Variants in SHF observed in about 807,000 individuals in gnomAD.
SHF encodes SH2 domain-containing adapter protein F.
SHF carries 30 observed loss-of-function variants against 42.4 expected under a neutral mutation model. The observed-to-expected ratio is 0.71, with a 90% CI of 0.53 to 0.96. The LOEUF is 0.96. SHF is among the 40% of genes least tolerant of loss of function. The pLI is 0.00. For missense variants in SHF, 598 were observed against 634.0 expected, an observed-to-expected ratio of 0.94 and a Z score of 0.61; for synonymous variants, 264 against 269.9, an observed-to-expected ratio of 0.98 and a Z score of 0.21.
Position 45,187,503 on chromosome 15 carries a change from G to C in SHF, c.449C>G (p.Ala150Gly). ...LIRVETPGPP[A>G]PPADERISGP... is the part of the protein sequence containing the mutation. ...GGAGATCCGCTCATCAGCAGGCGGC[G>C]CCGGGGGCCCCGGGGTCTCGACCCG... Residue 150 changes from alanine to glycine, a missense_variant, in exon 1 of 7, where the codon GCG (alanine) becomes GGG (glycine). Around this residue, in one of 2 missense-constraint regions of SHF, gnomAD observed 439 missense variants for 524.6 expected, o/e 0.84. Coordinates refer to ENST00000690270, the MANE Select transcript of SHF (RefSeq NM_001394037.1). 2 of 1,232,522 alleles carry C rather than the reference G, an allele frequency of 1.6e-6. No homozygotes were observed. Among genetic ancestry groups the C allele is most frequent in the African/African-American group, 3.1e-5 (2 of 64,530 alleles). The allele number at this position is 1,232,522 out of a possible 1,614,324, so 76.3% of individuals were successfully genotyped here.
upstream of SHF, among the ~76,000 whole-genome samples, chr15:45,189,832 T>G (rs868587768): frequency 2.6e-5 from 4 of 152,112 alleles, no homozygotes; most frequent in South Asian, 2.1e-4. Context: ...ATTTGTTGAG[T>G]TCCTGCTTTG....
intron 4 of SHF, among the ~76,000 whole-genome samples, chr15:45,172,599 C>T (rs972190093): frequency 2.6e-5 from 4 of 152,186 alleles, no homozygotes; most frequent in Admixed American, 6.5e-5. Flanking sequence ...AAACCATGCA[C>T]GCTTCTCCCT....
At chr15:45,189,383 G>T, upstream of SHF, among the ~76,000 whole-genome samples, 1 of 119,720 alleles carries the variant, frequency 8.4e-6, no homozygotes, top group Non-Finnish European at 1.7e-5. Flanking sequence ...CTAGGTTCAT[G>T]TCTGCCTTTT....
intron 2 of SHF, among the ~76,000 whole-genome samples, chr15:45,176,930 C>T (rs2141366776): frequency 6.6e-6 from 1 of 152,288 alleles, no homozygotes; most frequent in Non-Finnish European, 1.5e-5. Flanking sequence ...TTCTTCAAAT[C>T]CCATCTGTTC....
chr15:45,189,108 G>A (rs1320131699), upstream of SHF, among the ~76,000 whole-genome samples: 1 of 150,788 alleles, frequency 6.6e-6, no homozygotes, highest in Admixed American at 6.6e-5. Flanking sequence ...CAGGAGAATC[G>A]CTTGAACCCA....
rs1898518289 is a variant in SHF at position 45,187,760 on chromosome 15, T to C, written c.192A>G (p.Gly64=). ...CGGGGGGCGCCGGCTTGCTGCCCCC[T>C]CCGCCGCCGCCCCCCCCGCGGAAGC... The part of the protein sequence containing the change: ...HLGFRGGGGG[G]GGSKPAPPEP... Residue 64 remains glycine, a synonymous_variant, in exon 1 of 7, where the codon GGA becomes GGG. Transcript: ENST00000690270. 4 of 943,722 alleles carry C rather than the reference T, an allele frequency of 4.2e-6. No individual in the cohort carries two copies. Among genetic ancestry groups the C allele is most frequent in the Non-Finnish European group, 5.4e-6 (4 of 734,364 alleles). 58.5% of individuals were successfully genotyped at this position (943,722 alleles called of 1,614,324 possible).
rs1475301931 is a variant in SHF, at chr15:45,187,681, G to A, written c.271C>T (p.Pro91Ser). 1.6e-6 allele frequency: 2 copies of A among 1,219,444 alleles called. No individual in the cohort carries two copies. Among genetic ancestry groups the A allele is most frequent in the African/African-American group, 1.6e-5 (1 of 63,880 alleles). 75.5% of individuals were successfully genotyped at this position (1,219,444 alleles called of 1,614,324 possible). Reference sequence around the variant, plus strand: ...AGCCTGTAGGCGGCCAGGATGTCCGGGGGCGGCGCGGGGGGCGCGGCCGGA... The same window carrying A: ...AGCCTGTAGGCGGCCAGGATGTCCGAGGGCGGCGCGGGGGGCGCGGCCGGA... Reference protein sequence around the residue: ...PSPAAPPAPPPDILAAYRLQR... With the variant: ...PSPAAPPAPPSDILAAYRLQR... Residue 91 changes from proline to serine, a missense_variant, in exon 1 of 7, where the codon CCG becomes TCG. By Grantham distance (74) the Pro-to-Ser change is moderately conservative. This residue lies in a region of SHF where 159 missense variants were observed against 109.3 expected (regional missense o/e 1.45). Transcript: ENST00000690270.
At chr15:45,175,881 C>T (rs1384702416) in intron 2 of SHF, among the ~76,000 whole-genome samples, 3 of 149,618 alleles carry the variant, frequency 2.0e-5, no homozygotes, top group South Asian at 2.1e-4. Flanking sequence ...TGCAATGGCA[C>T]GATCTCGGCT....
Position 45,172,250 on chromosome 15 carries a change from G to A in SHF, c.1057C>T (p.Arg353Ter), listed in dbSNP as rs112290076. The change falls in exon 5 of 7, where the codon CGA becomes TGA. Residue 353 changes from arginine (R) to a stop codon, truncating the protein, a stop_gained. Transcript: ENST00000690270. LOFTEE classifies it high-confidence loss of function. ...GREEKGRLPP[R>*]LSAGNPKSAK... is the part of the protein sequence containing the mutation. ...GACTTGGGGTTCCCTGCAGAGAGTCGGGGAGGTAGCCGCCCCTTCTCCTCC... is the reference window on the plus strand; with the variant it reads ...GACTTGGGGTTCCCTGCAGAGAGTCAGGGAGGTAGCCGCCCCTTCTCCTCC... 37 of 1,613,418 alleles carry A rather than the reference G, an allele frequency of 2.3e-5. No homozygotes were observed. Among genetic ancestry groups the A allele is most frequent in the Non-Finnish European group, 2.9e-5 (34 of 1,179,652 alleles).
At chr15:45,179,851 G>A (rs78826055) in intron 1 of SHF, among the ~76,000 whole-genome samples, 1,812 of 152,272 alleles carry the variant, frequency 0.012, 44 homozygotes, top group African/African-American at 0.042. Context: ...CTGGGAGGCC[G>A]TGGGGTGACT....
At chr15:45,199,061 C>G (rs755666588) in exon 2 of SHF, 14 of 1,592,848 alleles carry the variant, frequency 8.8e-6, no homozygotes, top group Non-Finnish European at 1.2e-5. Context: ...CACGGGTCCT[C>G]CCTCCTGCTG....
intron 1 of SHF, among the ~76,000 whole-genome samples, chr15:45,179,133 A>C (rs1467876078): frequency 1.3e-5 from 2 of 152,280 alleles, no homozygotes; most frequent in Non-Finnish European, 2.9e-5. Flanking sequence ...AAGGAAGGGA[A>C]GACTGAGTAG....
chr15:45,178,312 G>A lies in SHF; in HGVS notation c.499-6C>T. The A allele has an allele frequency of 6.2e-7, 1 of 1,612,124 alleles. No homozygotes were observed. Among genetic ancestry groups the A allele is most frequent in the South Asian group, 1.1e-5 (1 of 90,920 alleles). On this transcript the variant is annotated splice_region_variant and splice_polypyrimidine_tract_variant and intron_variant, in intron 1 of 6. Coordinates refer to ENST00000690270, the MANE Select transcript of SHF (RefSeq NM_001394037.1). Reference sequence around the variant, plus strand: ...TAGTCTTCTAGGATAGCTAGCTGTGGGAGGAGAGTGAAGAGAGTGGGCTTC... The same window carrying A: ...TAGTCTTCTAGGATAGCTAGCTGTGAGAGGAGAGTGAAGAGAGTGGGCTTC...
At chr15:45,169,312 G>T (rs1490601340) in intron 6 of SHF, among the ~76,000 whole-genome samples, 1 of 152,202 alleles carries the variant, frequency 6.6e-6, no homozygotes, top group Non-Finnish European at 1.5e-5. Flanking sequence ...GGTGACAGAT[G>T]GGAGGAAAAA....
At chr15:45,168,520 T>C (rs1414407893) in intron 6 of SHF, among the ~76,000 whole-genome samples, 2 of 152,170 alleles carry the variant, frequency 1.3e-5, no homozygotes, top group African/African-American at 4.8e-5. Context: ...AGCTCTTTGG[T>C]AGGACACCCG....
rs1567040127 is a variant in SHF, at chr15:45,187,851, C to T, written c.101G>A (p.Gly34Asp). The change falls in exon 1 of 7, where the codon GGT (glycine) becomes GAT (aspartate). Residue 34 changes from glycine to aspartate, a missense_variant. Transcript: ENST00000690270. The stretch of plus-strand genomic sequence containing the variant: ...GCCCCCTCCTGGGCCGGCTCCCGCA[C>T]CCCCGGCGCCCCGGCGGGACCCCCC... ...GPGGSRRGAG[G>D]AGAGPGGGGS... 2.8e-6 allele frequency: 3 copies of T among 1,066,754 alleles called. No homozygotes were observed. The highest frequency in any genetic ancestry group is 3.5e-6 in the Non-Finnish European group (3 of 850,514). 66.1% of individuals were successfully genotyped at this position (1,066,754 alleles called of 1,614,324 possible). A position where few individuals can be genotyped will look rare whatever the true frequency, so the allele number is the denominator to read the frequency against.
At chr15:45,193,726 C>T (rs1898779380) in intron 2 of SHF, among the ~76,000 whole-genome samples, 1 of 152,158 alleles carries the variant, frequency 6.6e-6, no homozygotes, top group African/African-American at 2.4e-5. Context: ...TGCAGTGGCT[C>T]ACGCCTATAA....
intron 1 of SHF, chr15:45,199,141 GA>G (rs758588697): frequency 6.9e-7 from 1 of 1,451,204 alleles, no homozygotes; most frequent in Non-Finnish European, 9.1e-7. Context: ...GTTCCACGTA[GA>G]AAAAAATTCA....
At chr15:45,190,374 G>T (rs1898679435), upstream of SHF, among the ~76,000 whole-genome samples, 1 of 152,230 alleles carries the variant, frequency 6.6e-6, no homozygotes, top group South Asian at 2.1e-4. Context: ...TGAGGGCATG[G>T]ATAGGTAACT....
Sources: allele counts gnomAD v4.1 joint callset (sites outside exome capture counted in the v4.1 genomes callset), GRCh38; gene constraint gnomAD v4.1.1; regional missense constraint gnomAD v4.1.1; transcripts MANE v1.5; gene names NCBI Gene and HGNC (gene_info 2026-07-23, HGNC 2026-07-21).